MAGI2: variants seen among roughly 807,000 people sequenced by gnomAD.
MAGI2 encodes membrane-associated guanylate kinase, WW and PDZ domain-containing protein 2.
Under a neutral mutation model 133.3 loss-of-function variants are expected in MAGI2, and 35 were observed. The observed-to-expected ratio is 0.26, with a 90% CI of 0.20 to 0.35. The LOEUF is 0.35. MAGI2 is among the 10% of genes least tolerant of loss of function. The pLI is 1.00. For missense variants in MAGI2, 1,636 were observed against 1,863.4 expected, an observed-to-expected ratio of 0.88 and a Z score of 2.25; for synonymous variants, 729 against 710.6, an observed-to-expected ratio of 1.03 and a Z score of -0.41.
chr7:78,354,368 G>A (rs958495685), intron 7 of MAGI2, among the ~76,000 whole-genome samples: 2 of 152,156 alleles, frequency 1.3e-5, no homozygotes, highest in Non-Finnish European at 2.9e-5. Flanking sequence ...CACAGCCATG[G>A]ATACAGGAAT....
intron 1 of MAGI2, among the ~76,000 whole-genome samples, chr7:79,371,623 G>A (rs367707078): frequency 7.2e-4 from 110 of 152,182 alleles, no homozygotes; most frequent in African/African-American, 2.2e-3. Flanking sequence ...ATATAATAGC[G>A]TACATATGTA....
At chr7:79,387,613 CTT>C (rs990188721) in intron 1 of MAGI2, among the ~76,000 whole-genome samples, 1 of 151,938 alleles carries the variant, frequency 6.6e-6, no homozygotes, top group Non-Finnish European at 1.5e-5. Flanking sequence ...GTTATATTCT[CTT>C]TTGTCATAAT....
At chr7:79,206,228 A>G (rs904984130) in intron 1 of MAGI2, among the ~76,000 whole-genome samples, 3 of 151,726 alleles carry the variant, frequency 2.0e-5, no homozygotes, top group Admixed American at 1.3e-4. Flanking sequence ...AAATAATAAA[A>G]ATCAGAGCAG....
chr7:79,082,800 G>A (rs1816157595), intron 1 of MAGI2, among the ~76,000 whole-genome samples: 1 of 151,720 alleles, frequency 6.6e-6, no homozygotes, highest in South Asian at 2.1e-4. Context: ...GGGGGTTGGG[G>A]GGTATTGCCT....
rs189650681 is a variant in MAGI2, at chr7:79,104,805, C to T, written c.302-97599G>A. ...CTTCTCCTGTTTCTTTGGTGAGGTT[C>T]ATTGCAATCTCAAAAAAAGACTACT... On this transcript the variant is annotated intron_variant, in intron 1 of 21. Transcript: ENST00000354212. 7.2e-5 allele frequency among the ~76,000 whole-genome samples: 11 copies of T among 152,274 alleles called. No homozygotes were observed. The East Asian group carries it at 2.1e-3, about 29-fold the overall frequency.
chr7:79,220,473 T>C (rs1005287747), intron 1 of MAGI2, among the ~76,000 whole-genome samples: 2 of 152,000 alleles, frequency 1.3e-5, no homozygotes, highest in African/African-American at 4.8e-5. Context: ...ATACATACAC[T>C]GACCTCTCCT....
At chr7:78,672,275 C>T (rs1814483351) in intron 2 of MAGI2, among the ~76,000 whole-genome samples, 1 of 152,098 alleles carries the variant, frequency 6.6e-6, no homozygotes, top group Admixed American at 6.6e-5. Flanking sequence ...CCTCCCCCCT[C>T]TCTCTCTTGC....
chr7:78,683,557 G>A (rs1360099957), intron 2 of MAGI2, among the ~76,000 whole-genome samples: 1 of 152,136 alleles, frequency 6.6e-6, no homozygotes, highest in Non-Finnish European at 1.5e-5. Flanking sequence ...AGCCATCCTG[G>A]TTTCCTAATC....
intron 1 of MAGI2, among the ~76,000 whole-genome samples, chr7:79,123,785 C>CAAAAAAAA (rs71095377): frequency 4.9e-5 from 3 of 60,750 alleles, no homozygotes; most frequent in East Asian, 6.4e-4. Context: ...GACTCCATCT[C>CAAAAAAAA]AAAAAAAAAA....
intron 3 of MAGI2, among the ~76,000 whole-genome samples, chr7:78,557,008 G>C (rs1335700259): frequency 2.7e-5 from 4 of 146,000 alleles, no homozygotes; most frequent in Admixed American, 1.4e-4. Context: ...GAAGAATGGT[G>C]TTAATCGGGC....
intron 2 of MAGI2, among the ~76,000 whole-genome samples, chr7:78,908,662 A>T (rs1798157899): frequency 6.6e-6 from 1 of 152,232 alleles, no homozygotes; most frequent in African/African-American, 2.4e-5. Flanking sequence ...TGCTGAGAGC[A>T]CTAAGAACAG....
At chr7:78,759,602 T>C (rs933061767) in intron 2 of MAGI2, among the ~76,000 whole-genome samples, 1 of 152,224 alleles carries the variant, frequency 6.6e-6, no homozygotes, top group Non-Finnish European at 1.5e-5. Flanking sequence ...TTGAATGTCA[T>C]GTTGTTAAAA....
chr7:78,486,711 A>G (rs1427278359), intron 6 of MAGI2: 7 of 400,434 alleles, frequency 1.7e-5, no homozygotes, highest in Non-Finnish European at 2.9e-5. Context: ...CCAGCAAGGT[A>G]GGGACTCGGT....
At chr7:78,667,920 T>G (rs1179999998) in intron 2 of MAGI2, among the ~76,000 whole-genome samples, 1 of 152,200 alleles carries the variant, frequency 6.6e-6, no homozygotes, top group Non-Finnish European at 1.5e-5. Flanking sequence ...ATGGGATGGC[T>G]GGGTCAAATG....
intron 1 of MAGI2, among the ~76,000 whole-genome samples, chr7:79,396,716 C>T (rs1386888971): frequency 6.6e-6 from 1 of 152,048 alleles, no homozygotes; most frequent in Non-Finnish European, 1.5e-5. Flanking sequence ...ACTCAGAGTT[C>T]AAAATTCATG....
chr7:78,836,093 C>T (rs546327527), intron 2 of MAGI2, among the ~76,000 whole-genome samples: 15 of 152,284 alleles, frequency 9.9e-5, no homozygotes, highest in African/African-American at 2.2e-4. Context: ...TATTAGCAGA[C>T]GTCAGCATAT....
rs1301821653 is a variant in MAGI2, at chr7:78,080,725, C to T, written c.3568-1640G>A. 2.0e-5 allele frequency among the ~76,000 whole-genome samples: 3 copies of T among 152,192 alleles called. No homozygotes were observed. In the South Asian group the frequency reaches 6.2e-4, roughly 32 times the overall value. On this transcript the variant is annotated intron_variant, in intron 20 of 21. Coordinates refer to ENST00000354212, the MANE Select transcript of MAGI2 (RefSeq NM_012301.4). ...CTGTCCAACAGCAACTCTAACTCAA[C>T]AGCAGTAGAAGCAGTAGACAGGGCT...
intron 3 of MAGI2, among the ~76,000 whole-genome samples, chr7:78,550,279 C>T (rs1799224581): frequency 6.6e-6 from 1 of 152,046 alleles, no homozygotes; most frequent in Admixed American, 6.6e-5. Flanking sequence ...GTTCAGGCAC[C>T]CATTCTTTGG....
chr7:78,498,909 A>G lies in MAGI2; in HGVS notation c.965+2668T>C, dbSNP rs574852510. ...GACTCCAGGCTCCTTCTTTCACCTT[A>G]GTCTCCCTCAGCATCAGCTCTTTCG... On this transcript the variant is annotated intron_variant, in intron 5 of 21. Coordinates refer to ENST00000354212, the MANE Select transcript of MAGI2 (RefSeq NM_012301.4). 2.6e-5 allele frequency among the ~76,000 whole-genome samples: 4 copies of G among 152,150 alleles called. No individual in the cohort carries two copies. In the East Asian group the frequency reaches 7.8e-4, roughly 29 times the overall value.
Sources: allele counts gnomAD v4.1 joint callset (sites outside exome capture counted in the v4.1 genomes callset), GRCh38; gene constraint gnomAD v4.1.1; transcripts MANE v1.5; gene names NCBI Gene and HGNC (gene_info 2026-07-23, HGNC 2026-07-21).